The following SMAP2 variants were observed in gnomAD, a reference collection of about 807,000 sequenced individuals.
SMAP2 encodes stromal membrane-associated protein 2.
Under a neutral mutation model 56.4 loss-of-function variants are expected in SMAP2, and 25 were observed. That is an observed-to-expected ratio of 0.44 (90% CI 0.32 to 0.62). The LOEUF (loss-of-function observed/expected upper bound fraction) is 0.62. SMAP2 is among the 20% of genes least tolerant of loss of function. The probability of loss-of-function intolerance (pLI) is 0.04; values close to 1 mark genes in which losing one functional copy is unlikely to be tolerated. For missense variants in SMAP2, 388 were observed against 545.6 expected (o/e 0.71, Z 2.88); for synonymous variants, 157 against 181.7 (o/e 0.86, Z 1.09).
At chr1:40,349,007 T>C (rs1244225169) in intron 1 of SMAP2, among the ~76,000 whole-genome samples, 2 of 152,184 alleles carry the variant, frequency 1.3e-5, no homozygotes, top group South Asian at 4.1e-4. Context: ...TGACCTCAGA[T>C]GATCCACCTG....
chr1:40,375,872 C>A, intron 1 of SMAP2: 3 of 601,106 alleles, frequency 5.0e-6, no homozygotes, highest in Non-Finnish European at 6.2e-6. Context: ...ACTCATATTC[C>A]AATAAAATAC....
chr1:40,362,803 A>G (rs1310433667), intron 2 of SMAP2, among the ~76,000 whole-genome samples: 1 of 152,140 alleles, frequency 6.6e-6, no homozygotes, highest in Non-Finnish European at 1.5e-5. Context: ...TAGAGCATTC[A>G]ACACAGGAAA....
intron 1 of SMAP2, among the ~76,000 whole-genome samples, chr1:40,359,012 C>G (rs1224940783): frequency 6.6e-6 from 1 of 152,048 alleles, no homozygotes; most frequent in East Asian, 1.9e-4. Context: ...TCTATTTTGT[C>G]TGTTATAAAT....
intron 1 of SMAP2, among the ~76,000 whole-genome samples, chr1:40,389,544 G>T (rs573553417): frequency 1.1e-4 from 16 of 152,328 alleles, no homozygotes; most frequent in African/African-American, 3.9e-4. Flanking sequence ...AGCTGAGCAG[G>T]TGAATCTCAT....
chr1:40,405,920 A>G (rs531356939), intron 1 of SMAP2, among the ~76,000 whole-genome samples: 1 of 152,196 alleles, frequency 6.6e-6, no homozygotes, highest in African/African-American at 2.4e-5. Context: ...TTATTTGGCA[A>G]TCTTGAAACA....
At chr1:40,346,905 G>T (rs1425569618) in intron 1 of SMAP2, among the ~76,000 whole-genome samples, 1 of 151,576 alleles carries the variant, frequency 6.6e-6, no homozygotes, top group Non-Finnish European at 1.5e-5. Context: ...GCCCAGGCTG[G>T]AGTGCACAAT....
chr1:40,404,480 C>T (rs1169684004), intron 1 of SMAP2, among the ~76,000 whole-genome samples: 3 of 152,122 alleles, frequency 2.0e-5, no homozygotes, highest in Non-Finnish European at 2.9e-5. Context: ...ACTTTAAGTA[C>T]GCTGGAGTGG....
At chr1:40,364,242 T>C (rs1010319962) in intron 2 of SMAP2, among the ~76,000 whole-genome samples, 1 of 152,158 alleles carries the variant, frequency 6.6e-6, no homozygotes, top group Non-Finnish European at 1.5e-5. Context: ...AGTATAGTGG[T>C]TTTTATTTTG....
chr1:40,400,669 T>A (rs1347221125), intron 1 of SMAP2, among the ~76,000 whole-genome samples: 1 of 152,106 alleles, frequency 6.6e-6, no homozygotes. Flanking sequence ...AGGAAGAGAT[T>A]TTGTAGCAAG....
chr1:40,381,214 CACTT>C (rs896029114), intron 1 of SMAP2, among the ~76,000 whole-genome samples: 10 of 152,198 alleles, frequency 6.6e-5, no homozygotes, highest in African/African-American at 2.4e-4. Context: ...GTTTCTTAAG[CACTT>C]ACTACCTACT....
At chr1:40,421,512 C>T (rs932055475) in intron 9 of SMAP2, among the ~76,000 whole-genome samples, 55 of 146,866 alleles carry the variant, frequency 3.7e-4, no homozygotes, top group African/African-American at 1.0e-3. Context: ...TCCTTTTTTT[C>T]CCCCTTGTGC....
At chr1:40,345,617 C>T (rs1314176311) in intron 1 of SMAP2, among the ~76,000 whole-genome samples, 2 of 151,872 alleles carry the variant, frequency 1.3e-5, no homozygotes, top group African/African-American at 4.8e-5. Flanking sequence ...GTGAGCCATG[C>T]ACCCAACCTT....
At chr1:40,370,862 A>G (rs1644493373), upstream of SMAP2, among the ~76,000 whole-genome samples, 2 of 151,794 alleles carry the variant, frequency 1.3e-5, no homozygotes, top group South Asian at 4.1e-4. Context: ...ATAATAAAAA[A>G]AAAAAAAAAA....
At chr1:40,389,735 T>G (rs889934455) in intron 1 of SMAP2, among the ~76,000 whole-genome samples, 4 of 152,336 alleles carry the variant, frequency 2.6e-5, no homozygotes, top group African/African-American at 9.6e-5. Flanking sequence ...GAGGCTGAAA[T>G]AGCAGTCCTT....
In SMAP2 at chr1:40,408,812, C is replaced by CACATTACAGGA; in HGVS notation, c.323+74_323+75insACATTACAGGA. 2 of 1,185,228 alleles carry CACATTACAGGA rather than the reference C, an allele frequency of 1.7e-6. No homozygotes were observed. Among genetic ancestry groups the CACATTACAGGA allele is most frequent in the Non-Finnish European group, 2.5e-6 (2 of 794,916 alleles). 73.4% of individuals were successfully genotyped at this position (1,185,228 alleles called of 1,614,324 possible). ...GGGGAGAGTCAGACAAGACTCCAGT[C>CACATTACAGGA]CTGTAATGTGACTGGGTCATCTCTA... is the stretch of plus-strand genomic sequence containing the variant. On this transcript the variant is annotated intron_variant, in intron 3 of 9. Coordinates refer to ENST00000372718, the MANE Select transcript of SMAP2 (RefSeq NM_022733.3). The surrounding 1 kb of genome is among the most constrained non-coding windows in gnomAD (Gnocchi z 4.3).
At chr1:40,349,295 T>C (rs760583320) in intron 1 of SMAP2, among the ~76,000 whole-genome samples, 4 of 152,162 alleles carry the variant, frequency 2.6e-5, no homozygotes, top group Non-Finnish European at 5.9e-5. Context: ...AGGTACCCCC[T>C]GTTGAGCACG....
chr1:40,415,203 G>A (rs924095681), intron 6 of SMAP2, 69 bp from the exon 7 acceptor site: 2 of 1,230,242 alleles, frequency 1.6e-6, no homozygotes, highest in African/African-American at 3.0e-5. Context: ...TTTGCTTTTT[G>A]TCTAGAATAG....
intron 1 of SMAP2, among the ~76,000 whole-genome samples, chr1:40,346,659 T>C (rs1484037884): frequency 2.0e-5 from 3 of 151,884 alleles, no homozygotes; most frequent in African/African-American, 7.3e-5. Context: ...CATGAGCCAC[T>C]GCACATAACC....
chr1:40,353,454 C>T (rs112132711), intron 1 of SMAP2, among the ~76,000 whole-genome samples: 21 of 152,246 alleles, frequency 1.4e-4, no homozygotes, highest in African/African-American at 4.6e-4. Flanking sequence ...CAGCAACCTC[C>T]GCCTCCCGGG....
Sources: gnomAD v4.1 joint callset for allele counts (sites outside exome capture counted in the v4.1 genomes callset) on GRCh38, gnomAD v4.1.1 for gene constraint, Gnocchi (gnomAD v3.1) non-coding constraint, MANE v1.5 for transcripts, NCBI Gene and HGNC (gene_info 2026-07-23, HGNC 2026-07-21) for gene names.